Variants in ARAP1 observed in about 807,000 individuals in gnomAD.
The protein encoded by ARAP1 is arf-GAP with Rho-GAP domain, ANK repeat and PH domain-containing protein 1.
Under a neutral mutation model 172.2 loss-of-function variants are expected in ARAP1, and 76 were observed. The ratio of observed to expected loss-of-function variants is 0.44; its 90% CI spans 0.37 to 0.53. The LOEUF (loss-of-function observed/expected upper bound fraction) is 0.53. ARAP1 is among the 20% of genes least tolerant of loss of function. ARAP1 has a pLI of 0.00. For missense variants in ARAP1, 1,686 were observed against 1,977.5 expected, an observed-to-expected ratio of 0.85 and a Z score of 2.80; for synonymous variants, 804 against 803.3, an observed-to-expected ratio of 1.00 and a Z score of -0.01.
In ARAP1 at chr11:72,746,519, C is replaced by T. The variant is rs572196672; in HGVS notation, c.-128+5809G>A. On this transcript the variant is annotated intron_variant, in intron 1 of 34. Coordinates refer to ENST00000393609, the MANE Select transcript of ARAP1 (RefSeq NM_001040118.3). ...TTTAGGCTCTCGGAACCTAGAATTT[C>T]GGAAATTCAGAAGCTGGGACTCACA... 7.2e-5 allele frequency among the ~76,000 whole-genome samples: 11 copies of T among 152,300 alleles called. No homozygotes were observed. The East Asian group carries it at 9.6e-4, about 13-fold the overall frequency.
intron 2 of ARAP1, among the ~76,000 whole-genome samples, chr11:72,730,826 A>G (rs1283978925): frequency 6.6e-6 from 1 of 152,230 alleles, no homozygotes; most frequent in East Asian, 1.9e-4. Flanking sequence ...GTTTAATAGC[A>G]AAAGAATGGA....
At position 72,710,033 on chromosome 11, in the gene ARAP1, TGGGACA is replaced by T. The variant is rs1173632392; in HGVS notation, c.1417-63_1417-58del. ...GGCTTTGGGGGCAGGGCGTGAGGCT[TGGGACA>T]GGGAGAGGAAGGGAAGGTGGTGCAA... On this transcript the variant is annotated intron_variant, in intron 10 of 34. Coordinates refer to ENST00000393609, the MANE Select transcript of ARAP1 (RefSeq NM_001040118.3). This position sits in a 1 kb window ranked among gnomAD's most constrained non-coding sequence, Gnocchi z 4.3. 2 of 1,490,366 alleles carry T rather than the reference TGGGACA, an allele frequency of 1.3e-6. No individual in the cohort carries two copies. Among genetic ancestry groups the T allele is most frequent in the African/African-American group, 1.4e-5 (1 of 71,754 alleles). The allele number at this position is 1,490,366 out of a possible 1,614,324, so 92.3% of individuals were successfully genotyped here. A position where few individuals can be genotyped will look rare whatever the true frequency, so the allele number is the denominator to read the frequency against.
chr11:72,722,403 C>G, intron 3 of ARAP1: 1 of 972,836 alleles, frequency 1.0e-6, no homozygotes, highest in Non-Finnish European at 1.2e-6. Flanking sequence ...CGCCCCCAGG[C>G]TGCACCCCCA....
At chr11:72,686,307 A>C (rs961020282) in intron 33 of ARAP1, 116 bp from the exon 34 acceptor site, 2 of 1,348,360 alleles carry the variant, frequency 1.5e-6, no homozygotes, top group African/African-American at 2.9e-5. Flanking sequence ...TGACACCCTC[A>C]GCTTTGATCC....
rs1349538256 is a variant in ARAP1 at position 72,687,675 on chromosome 11, G to A, written c.4121+13C>T. 3.1e-6 allele frequency: 5 copies of A among 1,614,054 alleles called. No homozygotes were observed. The highest frequency in any genetic ancestry group is 1.6e-4 in the Middle Eastern group (1 of 6,084). On this transcript the variant is annotated intron_variant, in intron 32 of 34. Transcript: ENST00000393609. ...TCCTCAGCCTGGGATCTCAGGATGA[G>A]GCGCTCACTCACCACTGCTGCTTCT...
In ARAP1 at chr11:72,699,623, C is replaced by T. The variant is rs986803840; in HGVS notation, c.2303-71G>A. 16 of 1,544,158 alleles carry T rather than the reference C, an allele frequency of 1.0e-5. No homozygotes were observed. The African/African-American group carries it at 1.2e-4, about 12-fold the overall frequency. ...CCTGAAAACCACCTCTGCATCCTCC[C>T]GGGGCTCCTGCTCCCATCTGACCCA... is the stretch of plus-strand genomic sequence containing the variant. On this transcript the variant is annotated intron_variant, in intron 16 of 34. Coordinates refer to ENST00000393609, the MANE Select transcript of ARAP1 (RefSeq NM_001040118.3). This position sits in a 1 kb window ranked among gnomAD's most constrained non-coding sequence, Gnocchi z 4.2.
chr11:72,698,657 C>T (rs1856327667), intron 18 of ARAP1, among the ~76,000 whole-genome samples: 1 of 152,184 alleles, frequency 6.6e-6, no homozygotes, highest in Non-Finnish European at 1.5e-5. Flanking sequence ...CTCTTCCCTC[C>T]AGCCTCTGCT....
At chr11:72,705,369 G>A (rs190087349) in intron 13 of ARAP1, 1 of 162,644 alleles carries the variant, frequency 6.1e-6, no homozygotes, top group African/African-American at 2.4e-5. Flanking sequence ...AAAGAGGCAG[G>A]GATGGTGGTC....
chr11:72,714,610 G>A (rs1202888001), intron 3 of ARAP1, among the ~76,000 whole-genome samples: 1 of 152,182 alleles, frequency 6.6e-6, no homozygotes, highest in Non-Finnish European at 1.5e-5. Context: ...CCACACTGAA[G>A]GAGGGATAAA....
chr11:72,742,354 T>G (rs942409449), intron 1 of ARAP1, among the ~76,000 whole-genome samples: 1 of 152,164 alleles, frequency 6.6e-6, no homozygotes, highest in African/African-American at 2.4e-5. Flanking sequence ...ATGGATTGCC[T>G]CATAAAATCC....
chr11:72,717,707 C>G (rs556799709), intron 3 of ARAP1, among the ~76,000 whole-genome samples: 1 of 152,352 alleles, frequency 6.6e-6, no homozygotes, highest in South Asian at 2.1e-4. Flanking sequence ...TGTGTGTGTT[C>G]CCAGCCATTT....
At chr11:72,720,185 G>A (rs1341034289) in intron 3 of ARAP1, among the ~76,000 whole-genome samples, 1 of 152,152 alleles carries the variant, frequency 6.6e-6, no homozygotes, top group Non-Finnish European at 1.5e-5. Flanking sequence ...CCAGTGATCT[G>A]TGGACATCTG....
intron 1 of ARAP1, among the ~76,000 whole-genome samples, chr11:72,750,172 G>T (rs1858491573): frequency 6.6e-6 from 1 of 152,206 alleles, no homozygotes; most frequent in African/African-American, 2.4e-5. Flanking sequence ...GGGTAGAGGG[G>T]ACAGCTGGTG....
At chr11:72,717,548 G>A (rs1194714587) in intron 3 of ARAP1, among the ~76,000 whole-genome samples, 1 of 152,212 alleles carries the variant, frequency 6.6e-6, no homozygotes, top group African/African-American at 2.4e-5. Context: ...TCACTGTCCT[G>A]ATCAACTGCG....
intron 3 of ARAP1, among the ~76,000 whole-genome samples, chr11:72,715,769 A>T (rs1455563533): frequency 6.6e-6 from 1 of 151,934 alleles, no homozygotes; most frequent in Non-Finnish European, 1.5e-5. Flanking sequence ...TCCTGGCATC[A>T]AGCAATCCTC....
chr11:72,688,334 C>A, intron 31 of ARAP1, 121 bp downstream of exon 31: 1 of 830,928 alleles, frequency 1.2e-6, no homozygotes. Context: ...GTCTGGAGAC[C>A]ACACCATCAG....
chr11:72,702,983 C>T lies in ARAP1; in HGVS notation c.2089G>A (p.Ala697Thr). ...TCTGCAAGAGCCAGGGGCGTGGGGG[C>T]CTCAGGGTCCCCCGAGAAGCAGTTG... The part of the protein sequence containing the change: ...GINCFSGDPE[A>T]PTPLALAEQA... The change falls in exon 15 of 35, where the codon GCC becomes ACC. Residue 697 changes from alanine to threonine, a missense_variant. By Grantham distance (58) the Ala-to-Thr change is moderately conservative (BLOSUM62 0). Transcript: ENST00000393609. 6.4e-7 allele frequency: 1 copy of T among 1,558,788 alleles called. No individual in the cohort carries two copies. Among genetic ancestry groups the T allele is most frequent in the Admixed American group, 1.9e-5 (1 of 51,658 alleles).
In ARAP1 at chr11:72,710,125, G is replaced by A; in HGVS notation, c.1417-149C>T. Reference sequence around the variant, plus strand: ...GCAGGGGACATGGGAGGCTGGGCAGGGTAAGGGGCTGCAGGTTCAGGGCCC... The same window carrying A: ...GCAGGGGACATGGGAGGCTGGGCAGAGTAAGGGGCTGCAGGTTCAGGGCCC... On this transcript the variant is annotated intron_variant, in intron 10 of 34. Coordinates refer to ENST00000393609, the MANE Select transcript of ARAP1 (RefSeq NM_001040118.3). This position sits in a 1 kb window ranked among gnomAD's most constrained non-coding sequence, Gnocchi z 4.3. 1.2e-6 allele frequency: 1 copy of A among 812,838 alleles called. No homozygotes were observed. The highest frequency in any genetic ancestry group is 1.5e-5 in the South Asian group (1 of 65,782). 50.4% of individuals were successfully genotyped at this position (812,838 alleles called of 1,614,324 possible).
At chr11:72,742,949 C>A (rs1367104182) in intron 1 of ARAP1, among the ~76,000 whole-genome samples, 1 of 152,220 alleles carries the variant, frequency 6.6e-6, no homozygotes, top group African/African-American at 2.4e-5. Flanking sequence ...TCCCGAGCTC[C>A]TTCTGGCTGG....
Sources: gnomAD v4.1 joint callset for allele counts (sites outside exome capture counted in the v4.1 genomes callset) on GRCh38, gnomAD v4.1.1 for gene constraint, Gnocchi (gnomAD v3.1) non-coding constraint, MANE v1.5 for transcripts, NCBI Gene and HGNC (gene_info 2026-07-23, HGNC 2026-07-21) for gene names.